DENND4C: variants seen among roughly 807,000 people sequenced by gnomAD.
DENND4C encodes the protein DENN domain containing 4C.
A neutral mutation model predicts 203.0 loss-of-function variants in DENND4C; 108 were observed. That is an observed-to-expected ratio of 0.53 (90% confidence interval 0.46 to 0.62). The LOEUF is 0.62. DENND4C is among the 20% of genes least tolerant of loss of function. The pLI, the probability that DENND4C is intolerant of heterozygous loss-of-function variation, is 0.00. For synonymous variants in DENND4C, 871 were observed against 792.4 expected, an observed-to-expected ratio of 1.10 and a Z score of -1.67; for missense variants, 2,481 against 2,301.2, an observed-to-expected ratio of 1.08 and a Z score of -1.60.
intron 5 of DENND4C, chr9:19,292,289 C>G (rs1292797578): frequency 6.6e-6 from 1 of 151,932 alleles, no homozygotes; most frequent in Non-Finnish European, 1.5e-5. Flanking sequence ...CTCAGCCTCC[C>G]AAAGTCCTGG....
At chr9:19,273,992 G>A (rs537910107) in intron 1 of DENND4C, among the ~76,000 whole-genome samples, 5 of 152,068 alleles carry the variant, frequency 3.3e-5, no homozygotes, top group Admixed American at 1.3e-4. Context: ...AGTTTCACAC[G>A]GGAAATAACC....
chr9:19,299,313 T>C, intron 8 of DENND4C, 26 bp downstream of exon 8: 1 of 1,476,792 alleles, frequency 6.8e-7, no homozygotes. Context: ...TAAAATGATA[T>C]ATTTATTCAG....
chr9:19,360,602 C>T (rs917598849), intron 29 of DENND4C, 113 bp downstream of exon 29: 2 of 1,397,062 alleles, frequency 1.4e-6, no homozygotes, highest in African/African-American at 2.9e-5. Context: ...ATTTCTCTCT[C>T]ACTTAAAAGT....
chr9:19,249,950 GC>G (rs1177718987), intron 1 of DENND4C, among the ~76,000 whole-genome samples: 1 of 152,142 alleles, frequency 6.6e-6, no homozygotes, highest in East Asian at 1.9e-4. Context: ...GAGCCACTGT[GC>G]CTAGCCAGGT....
chr9:19,372,458 A>G lies in DENND4C; in HGVS notation c.*285A>G. On this transcript the variant is annotated 3_prime_UTR_variant, in exon 33 of 33. Coordinates refer to ENST00000434457, the MANE Select transcript of DENND4C (RefSeq NM_001330640.2). ...ATTCTTCAGTATTTGTAGTAGTTTG[A>G]TAGAAATAATGAGGAACCATATTCA... 1 of 278,082 alleles carries G rather than the reference A, an allele frequency of 3.6e-6. No individual in the cohort carries two copies. The highest frequency in any genetic ancestry group is 6.7e-6 in the Non-Finnish European group (1 of 150,182). The allele number at this position is 278,082 out of a possible 1,614,324, so 17.2% of individuals were successfully genotyped here.
chr9:19,259,922 T>A (rs543065341), intron 1 of DENND4C, among the ~76,000 whole-genome samples: 1 of 152,202 alleles, frequency 6.6e-6, no homozygotes. Flanking sequence ...GCAATAAACA[T>A]GGGAGTGTCA....
intron 5 of DENND4C, among the ~76,000 whole-genome samples, chr9:19,295,675 A>G (rs1837310771): frequency 6.6e-6 from 1 of 151,666 alleles, no homozygotes; most frequent in African/African-American, 2.4e-5. Flanking sequence ...ATCTCAAAAA[A>G]AAAAAAAAAA....
chr9:19,250,213 C>T (rs528740219), intron 1 of DENND4C, among the ~76,000 whole-genome samples: 13 of 152,016 alleles, frequency 8.6e-5, no homozygotes, highest in Non-Finnish European at 1.5e-4. Flanking sequence ...GGGGCTGAGG[C>T]GGGTAGATCA....
chr9:19,317,602 C>T (rs1403955615), intron 12 of DENND4C, among the ~76,000 whole-genome samples: 2 of 151,960 alleles, frequency 1.3e-5, no homozygotes, highest in African/African-American at 2.4e-5. Flanking sequence ...CCCAATAATC[C>T]TTTTGTCCTT....
rs1001745857 is a variant in DENND4C at position 19,286,838 on chromosome 9, C to T, written c.375C>T (p.Arg125=). 8.1e-7 allele frequency: 1 copy of T among 1,232,128 alleles called. No homozygotes were observed. Among genetic ancestry groups the T allele is most frequent in the Non-Finnish European group, 1.0e-6 (1 of 987,946 alleles). 76.3% of individuals were successfully genotyped at this position (1,232,128 alleles called of 1,614,324 possible). Reference sequence around the variant, plus strand: ...TGATCCTAGCCACACCCTATGGTCGCTGTGCCAATGTCAACAATAGTTCAA... The same window carrying T: ...TGATCCTAGCCACACCCTATGGTCGTTGTGCCAATGTCAACAATAGTTCAA... ...CEVILATPYG[R]CANVNNSSTT... is the part of the protein sequence containing the mutation. Residue 125 remains arginine (R), a synonymous_variant, in exon 3 of 33, where the codon CGC becomes CGT. Coordinates refer to ENST00000434457, the MANE Select transcript of DENND4C (RefSeq NM_001330640.2).
At chr9:19,252,800 A>G (rs1172464386) in intron 1 of DENND4C, among the ~76,000 whole-genome samples, 2 of 151,694 alleles carry the variant, frequency 1.3e-5, no homozygotes, top group African/African-American at 2.4e-5. Context: ...CAGTGGCACT[A>G]TCTTGGCTCA....
chr9:19,328,117 T>C lies in DENND4C; in HGVS notation c.2208T>C (p.Asn736=). The change falls in exon 16 of 33, where the codon AAT becomes AAC. Residue 736 remains asparagine (N), a synonymous_variant. Coordinates refer to ENST00000434457, the MANE Select transcript of DENND4C (RefSeq NM_001330640.2). The part of the protein sequence containing the change: ...KLCFSRHPTG[N]SITKSPPLMA... ...GTTTTAGTAGACACCCTACTGGGAA[T>C]AGCATTACAAAGAGTCCACCTCTCA... 6.2e-7 allele frequency: 1 copy of C among 1,613,754 alleles called. No homozygotes were observed. The highest frequency in any genetic ancestry group is 8.5e-7 in the Non-Finnish European group (1 of 1,179,838).
At chr9:19,338,000 A>G (rs1341120845) in intron 20 of DENND4C, among the ~76,000 whole-genome samples, 1 of 152,180 alleles carries the variant, frequency 6.6e-6, no homozygotes, top group African/African-American at 2.4e-5. Context: ...TGGTGTGGCC[A>G]TTGCTTTCCA....
chr9:19,337,655 G>C (rs1563817883), intron 20 of DENND4C: 1 of 1,288,504 alleles, frequency 7.8e-7, no homozygotes. Flanking sequence ...TTCTACCCTT[G>C]AATGTTAACC....
At chr9:19,307,601 C>T (rs1210282867) in intron 10 of DENND4C, among the ~76,000 whole-genome samples, 1 of 151,444 alleles carries the variant, frequency 6.6e-6, no homozygotes, top group Non-Finnish European at 1.5e-5. Context: ...GAAACTCCGT[C>T]TCTACTAAAA....
chr9:19,370,672 A>T (rs1828657874), intron 31 of DENND4C, among the ~76,000 whole-genome samples: 1 of 152,224 alleles, frequency 6.6e-6, no homozygotes, highest in South Asian at 2.1e-4. Context: ...GAGCAGAAAC[A>T]ATGTAGCAAA....
intron 2 of DENND4C, among the ~76,000 whole-genome samples, chr9:19,279,880 A>G (rs563100887): frequency 1.4e-5 from 2 of 145,242 alleles, no homozygotes; most frequent in South Asian, 2.4e-4. Context: ...CCCAGAAACA[A>G]TGGTTTAAAA....
rs1460984160 is a variant in DENND4C, at chr9:19,358,840, C to T, written c.5160+680C>T. 6.6e-6 allele frequency among the ~76,000 whole-genome samples: 1 copy of T among 151,738 alleles called. No individual in the cohort carries two copies. Among genetic ancestry groups the T allele is most frequent in the Non-Finnish European group, 1.5e-5 (1 of 68,020 alleles). On this transcript the variant is annotated intron_variant, in intron 28 of 32. Coordinates refer to ENST00000434457, the MANE Select transcript of DENND4C (RefSeq NM_001330640.2). The surrounding 1 kb of genome is among the most constrained non-coding windows in gnomAD (Gnocchi z 4.8). ...TGGAATTTGTGTCCGGAACCTTGAT[C>T]AGATTTGGGGTTTTTGTGTTAGTGT...
chr9:19,320,904 T>G (rs1053198486), intron 12 of DENND4C, among the ~76,000 whole-genome samples: 2 of 152,214 alleles, frequency 1.3e-5, no homozygotes, highest in African/African-American at 4.8e-5. Context: ...TTATTTCTAT[T>G]TTATTTAAGC....
Sources: allele counts gnomAD v4.1 joint callset (sites outside exome capture counted in the v4.1 genomes callset), GRCh38; gene constraint gnomAD v4.1.1; non-coding constraint Gnocchi (gnomAD v3.1); transcripts MANE v1.5; gene names NCBI Gene and HGNC (gene_info 2026-07-23, HGNC 2026-07-21).